The following SLC49A4 variants were observed in gnomAD, a reference collection of about 807,000 sequenced individuals.
The protein encoded by SLC49A4 is disrupted in renal cancer protein 2.
Under a neutral mutation model 50.6 loss-of-function variants are expected in SLC49A4, and 36 were observed. The ratio of observed to expected loss-of-function variants is 0.71; its 90% CI spans 0.55 to 0.94. The LOEUF (loss-of-function observed/expected upper bound fraction) is 0.94. Among genes scored for constraint, SLC49A4 ranks in the 40% least tolerant of loss-of-function variants. The probability of loss-of-function intolerance (pLI) is 0.00; values close to 1 mark genes in which losing one functional copy is unlikely to be tolerated. For missense variants in SLC49A4, 503 were observed against 605.7 expected (o/e 0.83, Z 1.78); for synonymous variants, 248 against 241.2 (o/e 1.03, Z -0.26).
chr3:122,847,339 T>C (rs1270889297), intron 5 of SLC49A4, among the ~76,000 whole-genome samples: 1 of 139,344 alleles, frequency 7.2e-6, no homozygotes, highest in East Asian at 2.1e-4. Flanking sequence ...ATCCACAACA[T>C]ACAGTGTACA....
intron 7 of SLC49A4, among the ~76,000 whole-genome samples, chr3:122,863,697 A>G (rs1364531393): frequency 6.6e-6 from 1 of 152,172 alleles, no homozygotes; most frequent in African/African-American, 2.4e-5. Flanking sequence ...GGTCATTCCT[A>G]TTTTAATCAG....
chr3:122,832,169 C>T (rs1011797964), intron 3 of SLC49A4, among the ~76,000 whole-genome samples: 1 of 152,116 alleles, frequency 6.6e-6, no homozygotes, highest in South Asian at 2.1e-4. Context: ...TAAATTCAAT[C>T]TGTTTATTGG....
intron 1 of SLC49A4, among the ~76,000 whole-genome samples, chr3:122,797,418 C>T (rs1389881762): frequency 6.6e-6 from 1 of 152,158 alleles, no homozygotes; most frequent in Non-Finnish European, 1.5e-5. Context: ...AAGATCAAGT[C>T]AAAGAGGAAT....
chr3:122,806,007 C>T (rs1936213041), intron 1 of SLC49A4, among the ~76,000 whole-genome samples: 1 of 152,122 alleles, frequency 6.6e-6, no homozygotes, highest in African/African-American at 2.4e-5. Context: ...TATTAATAAT[C>T]AGAGAGTTCT....
chr3:122,806,710 T>TG, intron 1 of SLC49A4, 147 bp from the exon 2 acceptor site: 2 of 538,122 alleles, frequency 3.7e-6, no homozygotes, highest in East Asian at 7.5e-5. Context: ...GGTTCGTTGT[T>TG]TTTTTTTTTT....
intron 6 of SLC49A4, among the ~76,000 whole-genome samples, chr3:122,858,059 T>G (rs1466261393): frequency 6.6e-6 from 1 of 152,216 alleles, no homozygotes; most frequent in Admixed American, 6.5e-5. Flanking sequence ...ATTTTAAAAT[T>G]ACTTTCCTGA....
intron 7 of SLC49A4, among the ~76,000 whole-genome samples, chr3:122,863,365 G>T (rs893162774): frequency 1.3e-5 from 2 of 152,206 alleles, no homozygotes; most frequent in African/African-American, 2.4e-5. Flanking sequence ...AAGAAGGAGT[G>T]AATGAATGAA....
intron 7 of SLC49A4, among the ~76,000 whole-genome samples, chr3:122,861,023 G>C (rs1321738272): frequency 6.6e-6 from 1 of 152,062 alleles, no homozygotes; most frequent in East Asian, 1.9e-4. Flanking sequence ...TTTTCACGTT[G>C]CATTATCTGT....
At chr3:122,804,551 A>T (rs535259846) in intron 1 of SLC49A4, among the ~76,000 whole-genome samples, 4 of 152,370 alleles carry the variant, frequency 2.6e-5, no homozygotes, top group South Asian at 4.1e-4. Context: ...AAAGCATTTT[A>T]TTCAAGATCA....
chr3:122,810,471 G>A (rs1936282997), intron 2 of SLC49A4, among the ~76,000 whole-genome samples: 2 of 152,078 alleles, frequency 1.3e-5, no homozygotes, highest in South Asian at 2.1e-4. Flanking sequence ...TTATTATATT[G>A]CTTTCCCAGT....
At chr3:122,859,235 G>C (rs1937027710) in intron 6 of SLC49A4, among the ~76,000 whole-genome samples, 1 of 151,354 alleles carries the variant, frequency 6.6e-6, no homozygotes, top group Admixed American at 6.6e-5. Context: ...CAGCATTCCA[G>C]GCAGACGGAA....
At chr3:122,844,328 C>A (rs761478084) in intron 4 of SLC49A4, among the ~76,000 whole-genome samples, 1 of 152,152 alleles carries the variant, frequency 6.6e-6, no homozygotes. Context: ...CTACCTTGGT[C>A]TCCCAAAGTG....
chr3:122,859,723 G>T (rs1937033943), intron 6 of SLC49A4, among the ~76,000 whole-genome samples: 2 of 152,048 alleles, frequency 1.3e-5, no homozygotes, highest in African/African-American at 4.8e-5. Context: ...AGCAGGTTGA[G>T]GTGGAAGGAT....
At chr3:122,860,833 T>C (rs904214389) in intron 7 of SLC49A4, among the ~76,000 whole-genome samples, 1 of 152,238 alleles carries the variant, frequency 6.6e-6, no homozygotes, top group African/African-American at 2.4e-5. Flanking sequence ...AGAAATTTAT[T>C]ATCTTACATT....
Position 122,879,265 on chromosome 3 carries a change from T to C in SLC49A4, c.1324T>C (p.Leu442=). Reference sequence around the variant, plus strand: ...CTGCATGTTTTTTTGTCTTACAGAGTTGTCTTGGTTCAACTGGTGCCTTCC... The same window carrying C: ...CTGCATGTTTTTTTGTCTTACAGAGCTGTCTTGGTTCAACTGGTGCCTTCC... ...LFFLTFYHTE[L]SWFNWCLPGS... Residue 442 remains leucine (L), a splice_region_variant and synonymous_variant, in exon 9 of 9, where the codon TTG becomes CTG. Coordinates refer to ENST00000261038, the MANE Select transcript of SLC49A4 (RefSeq NM_032839.3). The C allele has an allele frequency of 1.2e-6, 2 of 1,612,710 alleles. No homozygotes were observed. Among genetic ancestry groups the C allele is most frequent in the Non-Finnish European group, 1.7e-6 (2 of 1,178,838 alleles).
chr3:122,827,502 G>T (rs1463401420), intron 3 of SLC49A4, among the ~76,000 whole-genome samples: 2 of 152,098 alleles, frequency 1.3e-5, no homozygotes, highest in Non-Finnish European at 2.9e-5. Flanking sequence ...TATTTACCTT[G>T]ATCATCTACA....
intron 2 of SLC49A4, among the ~76,000 whole-genome samples, chr3:122,817,395 C>A (rs1936385340): frequency 6.6e-6 from 1 of 151,796 alleles, no homozygotes; most frequent in African/African-American, 2.4e-5. Flanking sequence ...GCCTTGCCAA[C>A]ACCTTGATTT....
chr3:122,816,666 G>A (rs1318491927), intron 2 of SLC49A4, among the ~76,000 whole-genome samples: 3 of 152,174 alleles, frequency 2.0e-5, no homozygotes, highest in Middle Eastern at 3.2e-3. Context: ...GGTGGGCCAG[G>A]GCAGGTAGCA....
intron 1 of SLC49A4, among the ~76,000 whole-genome samples, chr3:122,797,294 A>G (rs149451972): frequency 1.3e-5 from 2 of 152,364 alleles, no homozygotes; most frequent in African/African-American, 2.4e-5. Flanking sequence ...GCAGAACTTT[A>G]AAGGTTCTGC....
Sources: allele counts gnomAD v4.1 joint callset (sites outside exome capture counted in the v4.1 genomes callset), GRCh38; gene constraint gnomAD v4.1.1; transcripts MANE v1.5; gene names NCBI Gene and HGNC (gene_info 2026-07-23, HGNC 2026-07-21).